The following SLC9A9 variants were observed in gnomAD, a reference collection of about 807,000 sequenced individuals.
SLC9A9 encodes the protein solute carrier family 9 member A9.
Under a neutral mutation model 77.8 loss-of-function variants are expected in SLC9A9, and 62 were observed. The ratio of observed to expected loss-of-function variants is 0.80; its 90% CI spans 0.65 to 0.98. The LOEUF is 0.98. Ranked by LOEUF, SLC9A9 falls within the 50% of genes least tolerant of loss-of-function variation. SLC9A9 has a pLI of 0.00. For synonymous variants in SLC9A9, 320 were observed against 283.5 expected, an observed-to-expected ratio of 1.13 and a Z score of -1.29; for missense variants, 775 against 774.9, an observed-to-expected ratio of 1.00 and a Z score of 0.00.
chr3:143,818,065 C>T (rs544891271), intron 2 of SLC9A9, among the ~76,000 whole-genome samples: 14 of 152,002 alleles, frequency 9.2e-5, no homozygotes, highest in Non-Finnish European at 1.9e-4. Flanking sequence ...GGAAATTTAC[C>T]AAAATTTATA....
chr3:143,815,256 TA>T (rs1357358523), intron 2 of SLC9A9, among the ~76,000 whole-genome samples: 2 of 152,092 alleles, frequency 1.3e-5, no homozygotes, highest in Admixed American at 6.6e-5. Flanking sequence ...GTAAAAAAAT[TA>T]AAAAAGCACT....
intron 9 of SLC9A9, among the ~76,000 whole-genome samples, chr3:143,501,998 T>TA (rs755297847): frequency 2.3e-4 from 34 of 150,868 alleles, no homozygotes; most frequent in South Asian, 8.3e-4. Flanking sequence ...GATAAAATTT[T>TA]AAAAAATGAA....
At chr3:143,514,584 A>C (rs970347987) in intron 9 of SLC9A9, among the ~76,000 whole-genome samples, 1 of 152,240 alleles carries the variant, frequency 6.6e-6, no homozygotes, top group African/African-American at 2.4e-5. Flanking sequence ...GATCCTCTGG[A>C]TAACTTGCTA....
At chr3:143,608,541 C>A (rs2037964436) in intron 6 of SLC9A9, among the ~76,000 whole-genome samples, 1 of 152,178 alleles carries the variant, frequency 6.6e-6, no homozygotes, top group South Asian at 2.1e-4. Context: ...GGTGGGCTTT[C>A]CCTAGACTTC....
intron 12 of SLC9A9, among the ~76,000 whole-genome samples, chr3:143,388,955 G>A (rs2033491725): frequency 6.6e-6 from 1 of 152,208 alleles, no homozygotes; most frequent in African/African-American, 2.4e-5. Context: ...AGAAAAGGTT[G>A]GGGAGGGGAC....
At chr3:143,432,639 A>AT (rs1264255834) in intron 12 of SLC9A9, among the ~76,000 whole-genome samples, 2 of 151,802 alleles carry the variant, frequency 1.3e-5, no homozygotes, top group South Asian at 2.1e-4. Context: ...TGCCCACATT[A>AT]TTTTTTTGAG....
intron 8 of SLC9A9, among the ~76,000 whole-genome samples, chr3:143,565,559 A>C (rs1326920867): frequency 6.6e-6 from 1 of 152,172 alleles, no homozygotes; most frequent in African/African-American, 2.4e-5. Flanking sequence ...TTAATGAGTT[A>C]TTATGCGAGA....
At chr3:143,610,598 G>A (rs1488465510) in intron 6 of SLC9A9, among the ~76,000 whole-genome samples, 1 of 152,078 alleles carries the variant, frequency 6.6e-6, no homozygotes, top group Non-Finnish European at 1.5e-5. Flanking sequence ...AACCAAAAAG[G>A]TTCTGGACTA....
chr3:143,317,200 G>A (rs2031243132), intron 14 of SLC9A9, among the ~76,000 whole-genome samples: 1 of 152,084 alleles, frequency 6.6e-6, no homozygotes, highest in Non-Finnish European at 1.5e-5. Context: ...CTGAAAAGGA[G>A]GAAAAAAATG....
At chr3:143,411,993 C>A (rs371553527) in intron 12 of SLC9A9, among the ~76,000 whole-genome samples, 1 of 152,064 alleles carries the variant, frequency 6.6e-6, no homozygotes, top group Non-Finnish European at 1.5e-5. Context: ...ACCAATACTG[C>A]CTATCGGGGA....
intron 13 of SLC9A9, among the ~76,000 whole-genome samples, chr3:143,367,264 G>T (rs767791133): frequency 2.0e-5 from 3 of 152,158 alleles, no homozygotes; most frequent in Non-Finnish European, 4.4e-5. Flanking sequence ...TTCATTTCAT[G>T]TGGGTGACTG....
rs1438018065 is a variant in SLC9A9 at position 143,806,789 on chromosome 3, T to C, written c.379-9886A>G. The stretch of plus-strand genomic sequence containing the variant: ...GGGCACAAAACATAGTTACATAGAA[T>C]GAATAAGATCTAGTATTTGAGAGCA... On this transcript the variant is annotated intron_variant, in intron 2 of 15. Transcript: ENST00000316549. Among the ~76,000 whole-genome samples, 5 of 151,836 alleles carry C rather than the reference T, an allele frequency of 3.3e-5. No homozygotes were observed. The East Asian group carries it at 9.7e-4, about 29-fold the overall frequency.
chr3:143,566,672 C>A (rs749454272), intron 8 of SLC9A9, among the ~76,000 whole-genome samples: 2 of 152,094 alleles, frequency 1.3e-5, no homozygotes, highest in African/African-American at 4.8e-5. Context: ...ACTCTTCCCC[C>A]TCCTCTGCCT....
chr3:143,736,081 T>G (rs1934934469), intron 4 of SLC9A9, among the ~76,000 whole-genome samples: 1 of 152,216 alleles, frequency 6.6e-6, no homozygotes, highest in Non-Finnish European at 1.5e-5. Flanking sequence ...TTGTATATGT[T>G]GTGTTCTTTT....
chr3:143,739,565 T>C (rs1026399311), intron 4 of SLC9A9, among the ~76,000 whole-genome samples: 1 of 152,248 alleles, frequency 6.6e-6, no homozygotes, highest in Non-Finnish European at 1.5e-5. Flanking sequence ...ACATTCTTAC[T>C]AGTCTTACTT....
intron 8 of SLC9A9, among the ~76,000 whole-genome samples, chr3:143,565,659 T>C (rs1405698549): frequency 6.6e-6 from 1 of 152,230 alleles, no homozygotes; most frequent in Non-Finnish European, 1.5e-5. Flanking sequence ...CCCTTGAGAA[T>C]TGTAGGCACT....
At chr3:143,707,543 T>C (rs1934017479) in intron 4 of SLC9A9, among the ~76,000 whole-genome samples, 1 of 152,208 alleles carries the variant, frequency 6.6e-6, no homozygotes, top group Non-Finnish European at 1.5e-5. Context: ...TTTGCCTTTG[T>C]TTCCCAAATA....
intron 6 of SLC9A9, among the ~76,000 whole-genome samples, chr3:143,635,960 T>C (rs374667277): frequency 1.3e-5 from 2 of 152,254 alleles, no homozygotes; most frequent in Non-Finnish European, 2.9e-5. Flanking sequence ...AGTTTTAGTT[T>C]GTTTTCAGGG....
chr3:143,609,674 A>C (rs1362084032), intron 6 of SLC9A9, among the ~76,000 whole-genome samples: 3 of 152,168 alleles, frequency 2.0e-5, no homozygotes, highest in Non-Finnish European at 4.4e-5. Context: ...AGATTAGCAA[A>C]GTTACACCCT....
Sources: allele counts gnomAD v4.1 joint callset (sites outside exome capture counted in the v4.1 genomes callset), GRCh38; gene constraint gnomAD v4.1.1; transcripts MANE v1.5; gene names NCBI Gene and HGNC (gene_info 2026-07-23, HGNC 2026-07-21).